Variants in MKLN1 observed in about 807,000 individuals in gnomAD.
MKLN1 encodes muskelin.
MKLN1 carries 18 observed loss-of-function variants against 99.0 expected under a neutral mutation model. The observed-to-expected ratio is 0.18, with a 90% CI of 0.13 to 0.27. The LOEUF is 0.27. Ranked by LOEUF, MKLN1 falls within the 10% of genes least tolerant of loss-of-function variation. The probability of loss-of-function intolerance (pLI) is 1.00; values close to 1 mark genes in which losing one functional copy is unlikely to be tolerated. For synonymous variants in MKLN1, 288 were observed against 293.2 expected, an observed-to-expected ratio of 0.98 and a Z score of 0.18; for missense variants, 621 against 875.9, an observed-to-expected ratio of 0.71 and a Z score of 3.67.
At chr7:131,427,023 T>C (rs1795377649) in intron 8 of MKLN1, among the ~76,000 whole-genome samples, 1 of 152,110 alleles carries the variant, frequency 6.6e-6, no homozygotes, top group South Asian at 2.1e-4. Flanking sequence ...ATATAACTTA[T>C]ATCTGAAGGA....
At chr7:131,202,570 C>G (rs1796747094) in intron 2 of MKLN1, among the ~76,000 whole-genome samples, 1 of 152,158 alleles carries the variant, frequency 6.6e-6, no homozygotes, top group Non-Finnish European at 1.5e-5. Context: ...CCAGATCATT[C>G]TTTGTTCTGG....
chr7:131,149,815 C>A (rs12112661), intron 2 of MKLN1, among the ~76,000 whole-genome samples: 1 of 152,052 alleles, frequency 6.6e-6, no homozygotes, highest in South Asian at 2.1e-4. Flanking sequence ...AACAAGTGAC[C>A]CTTGTTGGAA....
intron 1 of MKLN1, among the ~76,000 whole-genome samples, chr7:131,336,843 T>C (rs902229461): frequency 5.3e-5 from 8 of 152,198 alleles, no homozygotes; most frequent in African/African-American, 1.9e-4. Flanking sequence ...TTTATTTCCT[T>C]TTGTATTTAC....
intron 3 of MKLN1, among the ~76,000 whole-genome samples, chr7:131,319,879 T>C (rs1798741631): frequency 6.6e-6 from 1 of 152,098 alleles, no homozygotes. Flanking sequence ...TCAAGGGACG[T>C]GAAGGATCTT....
At chr7:131,438,025 GA>G (rs765729149) in intron 10 of MKLN1, 28 bp downstream of exon 10, 3 of 1,516,174 alleles carry the variant, frequency 2.0e-6, no homozygotes, top group Admixed American at 1.7e-5. Flanking sequence ...ATATATGATG[GA>G]ATTAATCAGT....
intron 3 of MKLN1, among the ~76,000 whole-genome samples, chr7:131,266,680 C>T (rs184215052): frequency 1.3e-5 from 2 of 151,974 alleles, no homozygotes; most frequent in Non-Finnish European, 2.9e-5. Context: ...ATGAACAGAC[C>T]CTGTCTTGAG....
chr7:131,458,815 CT>C (rs909509463), intron 12 of MKLN1, among the ~76,000 whole-genome samples: 3 of 152,032 alleles, frequency 2.0e-5, no homozygotes, highest in Admixed American at 6.6e-5. Flanking sequence ...AGTTCCATAT[CT>C]TTTTATACTT....
At chr7:131,440,750 A>G (rs1795813491) in intron 10 of MKLN1, among the ~76,000 whole-genome samples, 1 of 152,178 alleles carries the variant, frequency 6.6e-6, no homozygotes, top group Non-Finnish European at 1.5e-5. Context: ...TAAAGAAGAA[A>G]GCCAAAACAA....
intron 12 of MKLN1, among the ~76,000 whole-genome samples, chr7:131,462,829 A>T (rs779620767): frequency 6.6e-6 from 1 of 152,212 alleles, no homozygotes; most frequent in Non-Finnish European, 1.5e-5. Context: ...TCTTTTCAAG[A>T]GAAACTAGTA....
chr7:131,404,264 A>T (rs1794635673), intron 6 of MKLN1, among the ~76,000 whole-genome samples: 1 of 152,152 alleles, frequency 6.6e-6, no homozygotes, highest in South Asian at 2.1e-4. Context: ...GTGTAGAATG[A>T]GTAGTAGCTT....
intron 1 of MKLN1, among the ~76,000 whole-genome samples, chr7:131,365,885 C>T (rs1311473899): frequency 6.6e-6 from 1 of 152,004 alleles, no homozygotes; most frequent in Non-Finnish European, 1.5e-5. Flanking sequence ...TACGGTATTA[C>T]CCCAGCAGAG....
chr7:131,229,319 C>A (rs891216530), intron 3 of MKLN1, among the ~76,000 whole-genome samples: 3 of 152,012 alleles, frequency 2.0e-5, no homozygotes, highest in Non-Finnish European at 4.4e-5. Context: ...TCTAGCCCCC[C>A]ACCTGCCCAC....
intron 2 of MKLN1, among the ~76,000 whole-genome samples, chr7:131,165,476 C>T (rs1168669319): frequency 6.6e-6 from 1 of 152,166 alleles, no homozygotes; most frequent in Non-Finnish European, 1.5e-5. Context: ...TGAGCCACCA[C>T]GCCCGGCCCA....
intron 1 of MKLN1, among the ~76,000 whole-genome samples, chr7:131,134,264 G>C (rs1270434654): frequency 1.3e-5 from 2 of 152,076 alleles, no homozygotes; most frequent in Non-Finnish European, 1.5e-5. Flanking sequence ...TTTCCTTGCA[G>C]ACCTCCCTCT....
chr7:131,217,052 T>G (rs1018116735), intron 3 of MKLN1, among the ~76,000 whole-genome samples: 2 of 152,184 alleles, frequency 1.3e-5, no homozygotes, highest in Non-Finnish European at 2.9e-5. Flanking sequence ...GCAAAATAAG[T>G]GAGAAGGAAT....
chr7:131,418,369 CAA>C (rs943898750), intron 8 of MKLN1, among the ~76,000 whole-genome samples: 105 of 54,792 alleles, frequency 1.9e-3, no homozygotes, highest in African/African-American at 5.7e-3. Flanking sequence ...GACTTCGTCT[CAA>C]AAAAAAAAAA....
chr7:131,278,290 G>A (rs117988637), intron 3 of MKLN1, among the ~76,000 whole-genome samples: 8,179 of 152,018 alleles, frequency 0.054, 287 homozygotes, highest in Non-Finnish European at 0.075. Context: ...TGCCCACCTC[G>A]GCCTTCCAAA....
chr7:131,483,975 CATATAA>C (rs1372287373), intron 17 of MKLN1, among the ~76,000 whole-genome samples: 1 of 152,110 alleles, frequency 6.6e-6, no homozygotes, highest in African/African-American at 2.4e-5. Context: ...TGCATACACT[CATATAA>C]ATATATAGGT....
Position 131,119,902 on chromosome 7 carries a change from C to T in MKLN1, c.-419+9695C>T, listed in dbSNP as rs552704006. Among the ~76,000 whole-genome samples the T allele has an allele frequency of 2.5e-3, 384 of 152,330 alleles. 2 individuals are homozygous for T. The highest frequency in any genetic ancestry group is 8.7e-3 in the African/African-American group (361 of 41,578). ...TCCTCAGAAAATGGGGCTTTCTTTT[C>T]TGCTGCATGGTCAGGCTGCAAATTT... On this transcript the variant is annotated intron_variant, in intron 1 of 7. Transcript: ENST00000416992.
Sources: allele counts gnomAD v4.1 joint callset (sites outside exome capture counted in the v4.1 genomes callset), GRCh38; gene constraint gnomAD v4.1.1; transcripts MANE v1.5; gene names NCBI Gene and HGNC (gene_info 2026-07-23, HGNC 2026-07-21).